DOCK7: variants seen among roughly 807,000 people sequenced by gnomAD.
DOCK7 encodes dedicator of cytokinesis protein 7.
DOCK7 carries 138 observed loss-of-function variants against 271.0 expected under a neutral mutation model. That is an observed-to-expected ratio of 0.51 (90% CI 0.44 to 0.59). DOCK7 has a LOEUF of 0.59. Among genes scored for constraint, DOCK7 ranks in the 20% least tolerant of loss-of-function variants. DOCK7 has a pLI of 0.00. For synonymous variants in DOCK7, 823 were observed against 876.1 expected, an observed-to-expected ratio of 0.94 and a Z score of 1.07; for missense variants, 2,066 against 2,592.4, an observed-to-expected ratio of 0.80 and a Z score of 4.41.
chr1:62,599,060 C>T (rs888372545), intron 14 of DOCK7, among the ~76,000 whole-genome samples: 1 of 152,000 alleles, frequency 6.6e-6, no homozygotes, highest in Non-Finnish European at 1.5e-5. Flanking sequence ...AAGATAATAA[C>T]AGAACTTATA....
Position 62,494,516 on chromosome 1 carries a change from G to C in DOCK7, c.5025-49C>G, listed in dbSNP as rs755957591. The C allele has an allele frequency of 4.4e-5, 68 of 1,542,300 alleles. 1 individual carries two copies. In the East Asian group the frequency reaches 1.5e-3, roughly 35 times the overall value. Reference sequence around the variant, plus strand: ...CCATTAGTATGTGCTTCCCAAGCTGGGAGGGAGTTTAGATAGCTCGCTCAG... The same window carrying C: ...CCATTAGTATGTGCTTCCCAAGCTGCGAGGGAGTTTAGATAGCTCGCTCAG... On this transcript the variant is annotated intron_variant, in intron 39 of 49. Coordinates refer to ENST00000635253, the MANE Select transcript of DOCK7 (RefSeq NM_001367561.1).
In DOCK7 at chr1:62,662,950, T is replaced by C; in HGVS notation, c.144+75A>G. ...CTAATGACGGAACCCAATTAGCTCT[T>C]ATCTTTCCACTATTTTTTCATGGCC... is the stretch of plus-strand genomic sequence containing the variant. On this transcript the variant is annotated intron_variant, in intron 2 of 49. Coordinates refer to ENST00000635253, the MANE Select transcript of DOCK7 (RefSeq NM_001367561.1). 4.1e-6 allele frequency: 5 copies of C among 1,218,128 alleles called. No homozygotes were observed. In the South Asian group the frequency reaches 6.7e-5, roughly 16 times the overall value. The allele number at this position is 1,218,128 out of a possible 1,614,324, so 75.5% of individuals were successfully genotyped here. A position where few individuals can be genotyped will look rare whatever the true frequency, so the allele number is the denominator to read the frequency against.
At chr1:62,633,432 G>A (rs2149629700) in intron 10 of DOCK7, 66 bp downstream of exon 10, 2 of 1,223,928 alleles carry the variant, frequency 1.6e-6, no homozygotes, top group East Asian at 2.4e-5. Context: ...ATGCTATTGG[G>A]AGAATAGTAT....
chr1:62,599,923 C>T (rs1449753684), intron 14 of DOCK7, among the ~76,000 whole-genome samples: 1 of 151,906 alleles, frequency 6.6e-6, no homozygotes, highest in Non-Finnish European at 1.5e-5. Flanking sequence ...TCTCAAACAG[C>T]TATTCAAGAG....
Position 62,561,723 on chromosome 1 carries a change from ATGATCACAGATGCTT to A in DOCK7, c.2113-35_2113-21del. On this transcript the variant is annotated intron_variant, in intron 18 of 49. Coordinates refer to ENST00000635253, the MANE Select transcript of DOCK7 (RefSeq NM_001367561.1). The stretch of plus-strand genomic sequence containing the variant: ...AGGAACCTGTAAGATATTAAATATA[ATGATCACAGATGCTT>A]AAGTAGATTATGAACTCTGAAAATA... 1 of 1,358,298 alleles carries A rather than the reference ATGATCACAGATGCTT, an allele frequency of 7.4e-7. No homozygotes were observed. Among genetic ancestry groups the A allele is most frequent in the Non-Finnish European group, 9.7e-7 (1 of 1,031,886 alleles). 84.1% of individuals were successfully genotyped at this position (1,358,298 alleles called of 1,614,324 possible). A position where few individuals can be genotyped will look rare whatever the true frequency, so the allele number is the denominator to read the frequency against.
intron 14 of DOCK7, among the ~76,000 whole-genome samples, chr1:62,613,453 A>G (rs982289099): frequency 6.6e-6 from 1 of 152,170 alleles, no homozygotes; most frequent in Non-Finnish European, 1.5e-5. Flanking sequence ...AGAGTTTGTT[A>G]TTTAAAGGTG....
intron 18 of DOCK7, among the ~76,000 whole-genome samples, chr1:62,576,116 T>C (rs1426813623): frequency 6.6e-6 from 1 of 152,212 alleles, no homozygotes; most frequent in Non-Finnish European, 1.5e-5. Flanking sequence ...TGCCAAGTAC[T>C]GTTCTAAATA....
chr1:62,492,221 G>A (rs1646487492), intron 41 of DOCK7: 1 of 153,970 alleles, frequency 6.5e-6, no homozygotes, highest in African/African-American at 2.4e-5. Flanking sequence ...AAAGGAGTAA[G>A]CCAATAATGA....
intron 2 of DOCK7, among the ~76,000 whole-genome samples, chr1:62,657,542 C>G (rs1366459744): frequency 1.3e-5 from 2 of 152,104 alleles, no homozygotes; most frequent in Admixed American, 1.3e-4. Flanking sequence ...AATCTTAACT[C>G]TAATTAAAAA....
intron 4 of DOCK7, among the ~76,000 whole-genome samples, chr1:62,649,803 G>A (rs1478562951): frequency 1.3e-5 from 2 of 152,146 alleles, no homozygotes; most frequent in East Asian, 1.9e-4. Flanking sequence ...TTTGTTCCTT[G>A]AACATTTCTA....
At chr1:62,589,299 A>G (rs1648069245) in intron 14 of DOCK7, among the ~76,000 whole-genome samples, 2 of 152,280 alleles carry the variant, frequency 1.3e-5, no homozygotes, top group South Asian at 4.1e-4. Context: ...TCATTTATAA[A>G]CTCACAGATG....
chr1:62,474,293 T>C (rs1037147781), intron 47 of DOCK7, among the ~76,000 whole-genome samples: 2 of 152,230 alleles, frequency 1.3e-5, no homozygotes, highest in African/African-American at 2.4e-5. Context: ...ATTAACTTCT[T>C]ATGAGTTTAT....
Position 62,555,846 on chromosome 1 carries a change from A to G in DOCK7, c.2575T>C (p.Tyr859His). The change falls in exon 21 of 50, where the codon TAC becomes CAC. Residue 859 changes from tyrosine to histidine, a missense_variant. By Grantham distance (83) the Tyr-to-His change is moderately conservative. Around this residue, in one of 2 missense-constraint regions of DOCK7, gnomAD observed 1,414 missense variants for 1,670.4 expected, o/e 0.85. Coordinates refer to ENST00000635253, the MANE Select transcript of DOCK7 (RefSeq NM_001367561.1). Reference protein sequence around the residue: ...IHYVFRLPNTYPNSSSPGPGG... With the variant: ...IHYVFRLPNTHPNSSSPGPGG... ...ATACCTGGTGATGATGAATTAGGGT[A>G]AGTATTTGGTAGGCGGAAAACATAA... The G allele has an allele frequency of 6.2e-7, 1 of 1,611,990 alleles. No homozygotes were observed. The highest frequency in any genetic ancestry group is 1.7e-5 in the Admixed American group (1 of 59,504).
At position 62,639,426 on chromosome 1, in the gene DOCK7, C is replaced by CTTTTTTTTTTTTTTTT. The variant is rs386367151; in HGVS notation, c.819-2839_819-2824dup. On this transcript the variant is annotated intron_variant, in intron 7 of 49. Transcript: ENST00000635253. ...AACTTAGTGCAAACTTTGTAATACT[C>CTTTTTTTTTTTTTTTT]TTTTTTTTTTTTTTTTTTTTTTTTT... Among the ~76,000 whole-genome samples the CTTTTTTTTTTTTTTTT allele has an allele frequency of 6.6e-5, 5 of 75,880 alleles. 1 individual carries two copies. Among genetic ancestry groups the CTTTTTTTTTTTTTTTT allele is most frequent in the African/African-American group, 2.9e-4 (5 of 16,992 alleles). 49.8% of individuals were successfully genotyped at this position (75,880 alleles called of 152,430 possible).
chr1:62,541,171 A>T (rs1781221), intron 25 of DOCK7, among the ~76,000 whole-genome samples: 16 of 151,944 alleles, frequency 1.1e-4, no homozygotes, highest in Non-Finnish European at 2.2e-4. Context: ...AAGGTGAAGA[A>T]GACGGTCCCA....
chr1:62,516,077 T>C (rs1161553238), intron 31 of DOCK7, among the ~76,000 whole-genome samples: 3 of 152,008 alleles, frequency 2.0e-5, no homozygotes, highest in African/African-American at 4.8e-5. Flanking sequence ...AAAATAAATC[T>C]AGACAAAGAA....
chr1:62,632,575 T>G (rs991017931), intron 10 of DOCK7, among the ~76,000 whole-genome samples: 1 of 152,234 alleles, frequency 6.6e-6, no homozygotes, highest in African/African-American at 2.4e-5. Context: ...TATTAAATCT[T>G]GTGTTCAAAG....
At chr1:62,616,322 A>G (rs1652428720) in intron 14 of DOCK7, among the ~76,000 whole-genome samples, 1 of 151,758 alleles carries the variant, frequency 6.6e-6, no homozygotes, top group Non-Finnish European at 1.5e-5. Flanking sequence ...TAATTCACAG[A>G]AAAGATACCC....
intron 12 of DOCK7, 79 bp downstream of exon 12, chr1:62,625,179 AG>A: frequency 7.0e-7 from 1 of 1,419,180 alleles, no homozygotes; most frequent in Non-Finnish European, 9.7e-7. Flanking sequence ...ATACATGTAT[AG>A]TACAATCACT....
Sources: allele counts gnomAD v4.1 joint callset (sites outside exome capture counted in the v4.1 genomes callset), GRCh38; gene constraint gnomAD v4.1.1; regional missense constraint gnomAD v4.1.1; transcripts MANE v1.5; gene names NCBI Gene and HGNC (gene_info 2026-07-23, HGNC 2026-07-21).